The following SEMA3A variants were observed in gnomAD, a reference collection of about 807,000 sequenced individuals.
SEMA3A encodes semaphorin-3A.
Under a neutral mutation model 97.9 loss-of-function variants are expected in SEMA3A, and 29 were observed. The ratio of observed to expected loss-of-function variants is 0.30; its 90% CI spans 0.22 to 0.40. The LOEUF (loss-of-function observed/expected upper bound fraction) is 0.40. Among genes scored for constraint, SEMA3A ranks in the 10% least tolerant of loss-of-function variants. The pLI is 1.00. For synonymous variants in SEMA3A, 321 were observed against 323.7 expected, an observed-to-expected ratio of 0.99 and a Z score of 0.09; for missense variants, 763 against 951.3, an observed-to-expected ratio of 0.80 and a Z score of 2.60.
chr7:84,108,910 GAA>G (rs796700320), intron 4 of SEMA3A, among the ~76,000 whole-genome samples: 6 of 121,870 alleles, frequency 4.9e-5, no homozygotes, highest in African/African-American at 1.3e-4. Flanking sequence ...ATACTCACAA[GAA>G]AAAAAAAAAA....
chr7:84,381,262 A>G (rs1803252239), intron 1 of SEMA3A, among the ~76,000 whole-genome samples: 2 of 152,144 alleles, frequency 1.3e-5, no homozygotes, highest in South Asian at 4.1e-4. Context: ...CCTTGCTTTT[A>G]ATTGTTTTCT....
At position 83,958,552 on chromosome 7, in the gene SEMA3A, C is replaced by T. The variant is rs1462608013; in HGVS notation, c.*2819G>A. Reference sequence around the variant, plus strand: ...CCGCCCTTAAATAGTACATAAACCACCTTGTCACCTGCGTGGGAAAATCTT... The same window carrying T: ...CCGCCCTTAAATAGTACATAAACCATCTTGTCACCTGCGTGGGAAAATCTT... On this transcript the variant is annotated 3_prime_UTR_variant, in exon 17 of 17. Transcript: ENST00000265362. 2 of 152,436 alleles carry T rather than the reference C, an allele frequency of 1.3e-5. No individual in the cohort carries two copies. Among genetic ancestry groups the T allele is most frequent in the Non-Finnish European group, 2.9e-5 (2 of 67,938 alleles). 9.4% of individuals were successfully genotyped at this position (152,436 alleles called of 1,614,324 possible). A position where few individuals can be genotyped will look rare whatever the true frequency, so the allele number is the denominator to read the frequency against.
At chr7:83,985,310 T>C (rs1446782510) in intron 13 of SEMA3A, 126 bp downstream of exon 13, 7 of 666,800 alleles carry the variant, frequency 1.0e-5, no homozygotes, top group Non-Finnish European at 2.5e-6. Flanking sequence ...AGAATGATAT[T>C]TGTTTTCTCC....
At chr7:84,254,536 A>G (rs1029394824) in intron 3 of SEMA3A, among the ~76,000 whole-genome samples, 3 of 152,214 alleles carry the variant, frequency 2.0e-5, no homozygotes, top group African/African-American at 7.2e-5. Context: ...TTAAAATCAG[A>G]GGACAATGAC....
chr7:83,980,623 A>AAAAAAAAAAAAAAATAT (rs1310318006), intron 14 of SEMA3A, among the ~76,000 whole-genome samples: 14 of 71,740 alleles, frequency 2.0e-4, no homozygotes, highest in South Asian at 1.6e-3. Flanking sequence ...AAAAAAAAAA[A>AAAAAAAAAAAAAAATAT]ATATATATAT....
chr7:84,313,929 T>C (rs1801431177), intron 2 of SEMA3A, among the ~76,000 whole-genome samples: 1 of 152,026 alleles, frequency 6.6e-6, no homozygotes. Flanking sequence ...GATAAGAAAC[T>C]GGTATTTTTT....
intron 3 of SEMA3A, among the ~76,000 whole-genome samples, chr7:84,251,264 C>A (rs1799601089): frequency 6.6e-6 from 1 of 152,124 alleles, no homozygotes; most frequent in Non-Finnish European, 1.5e-5. Context: ...TGAAAAATGT[C>A]ATTTGTTGAT....
chr7:84,289,776 T>C (rs1800696066), intron 3 of SEMA3A, among the ~76,000 whole-genome samples: 1 of 152,126 alleles, frequency 6.6e-6, no homozygotes, highest in African/African-American at 2.4e-5. Flanking sequence ...TGTAGATATG[T>C]ACCAACGACA....
chr7:84,143,946 CTCTA>C (rs1329311046), intron 1 of SEMA3A, among the ~76,000 whole-genome samples: 4,912 of 116,114 alleles, frequency 0.042, 95 homozygotes, highest in East Asian at 0.14. Flanking sequence ...CTCTCTCTCT[CTCTA>C]ACACACACAC....
At chr7:84,257,834 A>C (rs1342030711) in intron 3 of SEMA3A, among the ~76,000 whole-genome samples, 1 of 152,216 alleles carries the variant, frequency 6.6e-6, no homozygotes, top group East Asian at 1.9e-4. Context: ...AGATGAAATG[A>C]ATATCATGAC....
intron 1 of SEMA3A, among the ~76,000 whole-genome samples, chr7:84,173,740 C>G (rs1322905722): frequency 6.6e-6 from 1 of 152,072 alleles, no homozygotes; most frequent in Non-Finnish European, 1.5e-5. Context: ...TTCCCAATCC[C>G]CCTCCCACAG....
chr7:84,310,367 G>C (rs1441138895), intron 2 of SEMA3A, among the ~76,000 whole-genome samples: 1 of 151,690 alleles, frequency 6.6e-6, no homozygotes, highest in Non-Finnish European at 1.5e-5. Flanking sequence ...CAACCTGACA[G>C]TTGTTTTTTT....
intron 1 of SEMA3A, among the ~76,000 whole-genome samples, chr7:84,396,733 A>G (rs1446968564): frequency 6.6e-6 from 1 of 152,048 alleles, no homozygotes; most frequent in Non-Finnish European, 1.5e-5. Flanking sequence ...GCTTTAACAT[A>G]TAAGTAGATA....
intron 15 of SEMA3A, among the ~76,000 whole-genome samples, chr7:83,967,851 T>G (rs943260466): frequency 6.6e-6 from 1 of 152,212 alleles, no homozygotes; most frequent in African/African-American, 2.4e-5. Flanking sequence ...CAGTGTGATA[T>G]TTCAATACAT....
At chr7:84,426,281 T>C (rs2706917) in intron 1 of SEMA3A, among the ~76,000 whole-genome samples, 43,614 of 107,324 alleles carry the variant, frequency 0.41, 6,926 homozygotes, top group African/African-American at 0.5. Context: ...TATAGACAGA[T>C]AGATAGATAG....
At chr7:84,082,183 C>G (rs571307879) in intron 4 of SEMA3A, among the ~76,000 whole-genome samples, 1 of 152,178 alleles carries the variant, frequency 6.6e-6, no homozygotes, top group African/African-American at 2.4e-5. Context: ...TAAGTTGTAT[C>G]ATCCTAGTGA....
At chr7:84,366,062 C>CTCTGAAAAGCTTTCATTAAACCTG (rs1802840770) in intron 2 of SEMA3A, among the ~76,000 whole-genome samples, 1 of 151,158 alleles carries the variant, frequency 6.6e-6, no homozygotes, top group Non-Finnish European at 1.5e-5. Context: ...TTTGTACTAC[C>CTCTGAAAAGCTTTCATTAAACCTG]TCTGAAAAGC....
intron 3 of SEMA3A, among the ~76,000 whole-genome samples, chr7:84,286,216 C>T (rs904405052): frequency 2.0e-5 from 3 of 152,068 alleles, no homozygotes; most frequent in African/African-American, 7.2e-5. Flanking sequence ...ATATGAGGCA[C>T]CTCAACGTAG....
intron 1 of SEMA3A, among the ~76,000 whole-genome samples, chr7:84,460,626 A>G (rs1169417154): frequency 6.6e-6 from 1 of 152,220 alleles, no homozygotes. Flanking sequence ...CAGTCCACTG[A>G]TTGTCCATAA....
Sources: gnomAD v4.1 joint callset for allele counts (sites outside exome capture counted in the v4.1 genomes callset) on GRCh38, gnomAD v4.1.1 for gene constraint, MANE v1.5 for transcripts, NCBI Gene and HGNC (gene_info 2026-07-23, HGNC 2026-07-21) for gene names.